The following MALL variants were observed in gnomAD, a reference collection of about 807,000 sequenced individuals.
The protein encoded by MALL is MAL-like protein.
Under a neutral mutation model 10.3 loss-of-function variants are expected in MALL, and 2 were observed. The observed-to-expected ratio is 0.19, with a 90% CI of 0.08 to 0.61. The LOEUF (loss-of-function observed/expected upper bound fraction) is 0.61. MALL is among the 20% of genes least tolerant of loss of function. The probability of loss-of-function intolerance (pLI) is 0.88; values close to 1 mark genes in which losing one functional copy is unlikely to be tolerated. For missense variants in MALL, 39 were observed against 115.2 expected (o/e 0.34, Z 3.03); for synonymous variants, 27 against 51.8 (o/e 0.52, Z 2.05).
intron 1 of MALL, among the ~76,000 whole-genome samples, chr2:110,107,057 T>C (rs1678711580): frequency 3.8e-5 from 2 of 52,938 alleles, no homozygotes; most frequent in African/African-American, 1.5e-4. Context: ...CAGGGGTTTG[T>C]TCAGGAGGGG....
At chr2:110,104,199 C>T (rs1283778864) in intron 1 of MALL, among the ~76,000 whole-genome samples, 1 of 152,088 alleles carries the variant, frequency 6.6e-6, no homozygotes, top group Non-Finnish European at 1.5e-5. Context: ...CCCCTCTGTC[C>T]CTGATTCTGG....
intron 1 of MALL, among the ~76,000 whole-genome samples, chr2:110,106,133 G>C (rs1678683152): frequency 6.6e-6 from 1 of 152,154 alleles, no homozygotes; most frequent in Non-Finnish European, 1.5e-5. Context: ...TTAGCTGTTT[G>C]TTTTAAACTA....
chr2:110,103,336 C>A (rs1678617192), intron 1 of MALL, among the ~76,000 whole-genome samples: 1 of 152,048 alleles, frequency 6.6e-6, no homozygotes. Context: ...ACAGGCTGGT[C>A]TCTTCAGGAG....
chr2:110,112,886 G>A (rs1559033872), intron 1 of MALL, among the ~76,000 whole-genome samples: 2 of 148,760 alleles, frequency 1.3e-5, no homozygotes, highest in Admixed American at 6.7e-5. Flanking sequence ...ATATATATAT[G>A]TATATATATA....
intron 1 of MALL, among the ~76,000 whole-genome samples, chr2:110,104,141 G>T (rs1678636612): frequency 6.6e-6 from 1 of 152,144 alleles, no homozygotes; most frequent in Non-Finnish European, 1.5e-5. Context: ...CTGAGCACTG[G>T]CAAGACAGAG....
chr2:110,112,481 A>C (rs1678826058), intron 1 of MALL, among the ~76,000 whole-genome samples: 1 of 152,178 alleles, frequency 6.6e-6, no homozygotes, highest in South Asian at 2.1e-4. Flanking sequence ...ACATGAAAAA[A>C]TGCTCAACAT....
chr2:110,108,111 T>A (rs1042981397), intron 1 of MALL, among the ~76,000 whole-genome samples: 1 of 152,094 alleles, frequency 6.6e-6, no homozygotes, highest in Non-Finnish European at 1.5e-5. Flanking sequence ...GCCCTGGTAA[T>A]ATGACGAAAC....
chr2:110,100,173 C>A (rs1678532468), intron 1 of MALL, among the ~76,000 whole-genome samples: 1 of 152,074 alleles, frequency 6.6e-6, no homozygotes, highest in African/African-American at 2.4e-5. Flanking sequence ...AGTGGATTAT[C>A]AACCAGCATT....
At chr2:110,106,287 T>C (rs1344290251) in intron 1 of MALL, among the ~76,000 whole-genome samples, 2 of 152,074 alleles carry the variant, frequency 1.3e-5, no homozygotes, top group South Asian at 2.1e-4. Flanking sequence ...ATTCAGCTTA[T>C]AAAAAAGCTG....
chr2:110,104,828 C>A (rs775454678), intron 1 of MALL, among the ~76,000 whole-genome samples: 19 of 152,182 alleles, frequency 1.2e-4, no homozygotes, highest in Non-Finnish European at 2.2e-4. Context: ...CTTATCCCCT[C>A]AATGACTGTC....
chr2:110,108,526 A>T (rs1002727896), intron 1 of MALL, among the ~76,000 whole-genome samples: 3 of 152,132 alleles, frequency 2.0e-5, no homozygotes, highest in Non-Finnish European at 4.4e-5. Context: ...CAAAGCCTCC[A>T]AGAAGTCTGG....
chr2:110,107,953 T>C (rs1371164188), intron 1 of MALL, among the ~76,000 whole-genome samples: 2 of 152,050 alleles, frequency 1.3e-5, no homozygotes, highest in Non-Finnish European at 2.9e-5. Flanking sequence ...TCACTGCAGT[T>C]TGGCTCACAG....
At chr2:110,097,501 G>A in intron 1 of MALL, 1 of 456,676 alleles carries the variant, frequency 2.2e-6, no homozygotes, top group Non-Finnish European at 4.4e-6. Context: ...CTGCTCACCT[G>A]CACAGAGCAG....
intron 1 of MALL, among the ~76,000 whole-genome samples, chr2:110,099,183 C>A (rs1280138528): frequency 6.6e-6 from 1 of 152,052 alleles, no homozygotes; most frequent in African/African-American, 2.4e-5. Context: ...TGGTTCTGAA[C>A]ATGGAGCGCT....
chr2:110,113,332 G>A (rs1678845429), intron 1 of MALL, among the ~76,000 whole-genome samples: 1 of 151,192 alleles, frequency 6.6e-6, no homozygotes, highest in African/African-American at 2.4e-5. Context: ...CAGCTACTCG[G>A]GAGGCTGAGG....
intron 1 of MALL, among the ~76,000 whole-genome samples, chr2:110,107,840 C>T (rs1678727179): frequency 6.6e-6 from 1 of 152,134 alleles, no homozygotes; most frequent in African/African-American, 2.4e-5. Context: ...GCTGAGAGAC[C>T]CATAGACATT....
chr2:110,096,848 G>A (rs1479883077), intron 1 of MALL, among the ~76,000 whole-genome samples: 2 of 151,724 alleles, frequency 1.3e-5, no homozygotes, highest in Non-Finnish European at 2.9e-5. Context: ...TGCCATCAAC[G>A]ACTCTATTAT....
chr2:110,111,434 G>C (rs1678799303), intron 1 of MALL, among the ~76,000 whole-genome samples: 1 of 152,072 alleles, frequency 6.6e-6, no homozygotes, highest in South Asian at 2.1e-4. Context: ...CAGCGACCAA[G>C]CAGAGAATCA....
upstream of MALL, chr2:110,116,415 GA>G (rs1295554925): frequency 1.3e-5 from 2 of 152,610 alleles, no homozygotes; most frequent in Non-Finnish European, 2.9e-5. Flanking sequence ...ATGCCCCTGG[GA>G]CTTGGTGTTT....
Sources: gnomAD v4.1 joint callset for allele counts (sites outside exome capture counted in the v4.1 genomes callset) on GRCh38, gnomAD v4.1.1 for gene constraint, MANE v1.5 for transcripts, NCBI Gene and HGNC (gene_info 2026-07-23, HGNC 2026-07-21) for gene names.